The following POLA1 variants were observed in gnomAD, a reference collection of about 807,000 sequenced individuals.
The protein encoded by POLA1 is DNA polymerase alpha catalytic subunit.
In POLA1, 15 loss-of-function variants were observed where a neutral mutation model predicts 124.0. That is an observed-to-expected ratio of 0.12 (90% CI 0.08 to 0.19). The LOEUF (loss-of-function observed/expected upper bound fraction) is 0.19. Among genes scored for constraint, POLA1 ranks in the 10% least tolerant of loss-of-function variants. POLA1 has a pLI of 1.00. For missense variants in POLA1, 886 were observed against 1,103.4 expected, an observed-to-expected ratio of 0.80 and a Z score of 2.79; for synonymous variants, 408 against 389.4, an observed-to-expected ratio of 1.05 and a Z score of -0.56.
chrX:24,837,189 A>T (rs899040015), intron 32 of POLA1, among the ~76,000 whole-genome samples: 1 of 112,058 alleles, frequency 8.9e-6, no homozygotes, highest in Non-Finnish European at 1.9e-5. Context: ...ACAATCAGTT[A>T]TCTAGGCACA....
intron 35 of POLA1, among the ~76,000 whole-genome samples, chrX:24,921,867 A>T (rs1186354455): frequency 3.1e-5 from 3 of 96,148 alleles, no homozygotes; most frequent in Non-Finnish European, 5.8e-5. Context: ...AGCTGACCAA[A>T]CATTCCAGAT....
At position 24,779,220 on chromosome X, in the gene POLA1, AG is replaced by A. The variant is rs2045209437; in HGVS notation, c.2964+30230del. ...CAGCTTCCTGAGTATTTAGGATTAC[AG>A]GTGCCCACCATCACACCCAGCTAAT... On this transcript the variant is annotated intron_variant, in intron 26 of 36. Coordinates refer to ENST00000379068, the MANE Select transcript of POLA1 (RefSeq NM_001330360.2). Among the ~76,000 whole-genome samples the A allele has an allele frequency of 5.4e-5, 6 of 110,972 alleles. No individual in the cohort carries two copies. The South Asian group carries it at 2.3e-3, about 43-fold the overall frequency.
intron 26 of POLA1, among the ~76,000 whole-genome samples, chrX:24,801,701 C>A (rs752953053): frequency 1.8e-5 from 2 of 111,357 alleles, no homozygotes; most frequent in South Asian, 7.7e-4. Flanking sequence ...AGAGACCATA[C>A]AAAACAAAGT....
chrX:24,770,837 C>T (rs1483321663), intron 26 of POLA1, among the ~76,000 whole-genome samples: 1 of 110,289 alleles, frequency 9.1e-6, no homozygotes, highest in Non-Finnish European at 1.9e-5. Context: ...CATGGGACAA[C>T]AGAACTTGAA....
At chrX:24,846,262 T>C (rs1370277079) in intron 34 of POLA1, among the ~76,000 whole-genome samples, 1 of 111,606 alleles carries the variant, frequency 9.0e-6, no homozygotes, top group Non-Finnish European at 1.9e-5. Flanking sequence ...TCTGTAGCAA[T>C]GATTGTATTC....
At chrX:24,726,912 T>C in intron 13 of POLA1, 21 bp from the exon 14 acceptor site, 1 of 631,773 alleles carries the variant, frequency 1.6e-6, no homozygotes, top group South Asian at 4.3e-5. Context: ...AAAAAGATTC[T>C]TTTTTTTTTT....
intron 26 of POLA1, among the ~76,000 whole-genome samples, chrX:24,758,957 C>G (rs1932751078): frequency 8.9e-6 from 1 of 111,768 alleles, no homozygotes; most frequent in African/African-American, 3.3e-5. Context: ...CTGTGCCTGG[C>G]CTGCATTTGC....
intron 36 of POLA1, among the ~76,000 whole-genome samples, chrX:24,963,106 A>C (rs1441528530): frequency 1.8e-5 from 2 of 111,797 alleles, no homozygotes; most frequent in Non-Finnish European, 3.8e-5. Context: ...TTGTACTGAA[A>C]ACTGACCCCA....
chrX:24,988,654 G>C (rs1249808177), intron 36 of POLA1, among the ~76,000 whole-genome samples: 1 of 111,993 alleles, frequency 8.9e-6, no homozygotes, highest in Non-Finnish European at 1.9e-5. Flanking sequence ...CTTATAAGTA[G>C]AGATTAAGAT....
intron 26 of POLA1, among the ~76,000 whole-genome samples, chrX:24,765,159 T>A (rs1218288617): frequency 9.0e-6 from 1 of 110,921 alleles, no homozygotes; most frequent in Non-Finnish European, 1.9e-5. Context: ...ATTCTGTCCC[T>A]CCATAGGGAC....
intron 26 of POLA1, among the ~76,000 whole-genome samples, chrX:24,787,619 T>G (rs1014344373): frequency 8.9e-6 from 1 of 112,001 alleles, no homozygotes; most frequent in African/African-American, 3.2e-5. Context: ...TACCATAGTT[T>G]TGTAATACAG....
intron 36 of POLA1, among the ~76,000 whole-genome samples, chrX:24,974,979 A>T (rs910695930): frequency 1.1e-4 from 12 of 112,115 alleles, no homozygotes; most frequent in Non-Finnish European, 1.9e-4. Context: ...GGTTTTCTAG[A>T]CACGAGGAAA....
intron 36 of POLA1, among the ~76,000 whole-genome samples, chrX:24,962,591 A>G (rs1476613764): frequency 8.9e-6 from 1 of 111,966 alleles, no homozygotes; most frequent in Non-Finnish European, 1.9e-5. Flanking sequence ...TGGTACTATA[A>G]TTATTATTAG....
In POLA1 at chrX:24,727,789, G is replaced by A; in HGVS notation, c.1539G>A (p.Leu513=). ...CWLEVKSPQL[L]NQPVSWCKVE... Reference sequence around the variant, plus strand: ...GTATCTATTCTCTTTCAGAGCTCTTGAATCAGCCAGTCAGTTGGTGTAAAG... The same window carrying A: ...GTATCTATTCTCTTTCAGAGCTCTTAAATCAGCCAGTCAGTTGGTGTAAAG... Residue 513 remains leucine (L), a synonymous_variant, in exon 15 of 37, where the codon TTG becomes TTA. Transcript: ENST00000379068. The A allele has an allele frequency of 1.7e-6, 2 of 1,206,462 alleles. No homozygotes were observed. The highest frequency in any genetic ancestry group is 2.2e-6 in the Non-Finnish European group (2 of 891,332).
intron 26 of POLA1, chrX:24,788,603 G>A (rs769912421): frequency 5.0e-6 from 6 of 1,190,563 alleles, no homozygotes; most frequent in African/African-American, 3.5e-5. Context: ...CTCTAATTTC[G>A]CCATATCTGT....
intron 4 of POLA1, among the ~76,000 whole-genome samples, chrX:24,710,072 G>A (rs1003234123): frequency 2.8e-5 from 3 of 105,312 alleles, no homozygotes; most frequent in Non-Finnish European, 5.9e-5. Context: ...CGTGGGGCCC[G>A]TCCGCTCCTC....
intron 36 of POLA1, among the ~76,000 whole-genome samples, chrX:24,952,194 C>A (rs142417390): frequency 8.2e-4 from 92 of 112,091 alleles, no homozygotes; most frequent in Middle Eastern, 4.6e-3. Flanking sequence ...ATATAAATTG[C>A]CTTCTCTATT....
intron 4 of POLA1, among the ~76,000 whole-genome samples, chrX:24,707,370 T>C (rs1284520528): frequency 1.8e-5 from 2 of 112,237 alleles, no homozygotes; most frequent in Non-Finnish European, 3.8e-5. Context: ...TCAAAGTAAA[T>C]ATGTAGTTTT....
intron 34 of POLA1, among the ~76,000 whole-genome samples, chrX:24,873,662 A>G (rs1277160547): frequency 1.8e-5 from 2 of 111,963 alleles, no homozygotes; most frequent in Non-Finnish European, 3.8e-5. Context: ...AGAGATATTC[A>G]TAATATGATA....
Sources: gnomAD v4.1 joint callset for allele counts (sites outside exome capture counted in the v4.1 genomes callset) on GRCh38, gnomAD v4.1.1 for gene constraint, MANE v1.5 for transcripts, NCBI Gene and HGNC (gene_info 2026-07-23, HGNC 2026-07-21) for gene names.